The following PDE11A variants were observed in gnomAD, a reference collection of about 807,000 sequenced individuals.
The protein encoded by PDE11A is dual 3',5'-cyclic-AMP and -GMP phosphodiesterase 11A.
In PDE11A, 100 loss-of-function variants were observed where a neutral mutation model predicts 100.5. The observed-to-expected ratio is 1.00, with a 90% confidence interval of 0.85 to 1.18. The LOEUF (loss-of-function observed/expected upper bound fraction) is 1.18, where lower values mean the gene tolerates loss of function less well. Ranked by LOEUF, PDE11A falls within the 50% of genes most tolerant of loss-of-function variation. The pLI, the probability that PDE11A is intolerant of heterozygous loss-of-function variation, is 0.00. For synonymous variants in PDE11A, 381 were observed against 420.8 expected, an observed-to-expected ratio of 0.91 and a Z score of 1.16; for missense variants, 1,141 against 1,152.6, an observed-to-expected ratio of 0.99 and a Z score of 0.15.
chr2:177,946,035 C>G (rs2085419741), intron 2 of PDE11A, among the ~76,000 whole-genome samples: 1 of 146,628 alleles, frequency 6.8e-6, no homozygotes, highest in Non-Finnish European at 1.5e-5. Flanking sequence ...GCCAGCCGCC[C>G]CGTCCGGGAG....
At chr2:177,658,597 A>G (rs995936395) in intron 19 of PDE11A, among the ~76,000 whole-genome samples, 4 of 151,358 alleles carry the variant, frequency 2.6e-5, no homozygotes, top group African/African-American at 9.7e-5. Context: ...GCCATTCCAT[A>G]TATATACCCC....
intron 2 of PDE11A, among the ~76,000 whole-genome samples, chr2:178,008,948 G>A (rs983039194): frequency 6.6e-6 from 1 of 152,152 alleles, no homozygotes; most frequent in Non-Finnish European, 1.5e-5. Context: ...AGCCAAAGAA[G>A]AACTTCAAAC....
At chr2:177,707,681 T>A (rs1559153127) in intron 13 of PDE11A, among the ~76,000 whole-genome samples, 1 of 152,172 alleles carries the variant, frequency 6.6e-6, no homozygotes, top group Non-Finnish European at 1.5e-5. Context: ...CAGCTAACTG[T>A]CTTAATATCA....
chr2:177,628,284 T>C lies in PDE11A; in HGVS notation c.*1123A>G, dbSNP rs2079865722. 1 of 152,686 alleles carries C rather than the reference T, an allele frequency of 6.5e-6. No homozygotes were observed. The highest frequency in any genetic ancestry group is 2.4e-5 in the African/African-American group (1 of 41,462). The allele number at this position is 152,686 out of a possible 1,614,324, so 9.5% of individuals were successfully genotyped here. A position where few individuals can be genotyped will look rare whatever the true frequency, so the allele number is the denominator to read the frequency against. On this transcript the variant is annotated 3_prime_UTR_variant, in exon 20 of 20. Transcript: ENST00000286063. ...ATCTTCTAGCCCAATGTTCTTTGGA[T>C]AACACATACCATGTCCACAATTTCT...
chr2:178,030,082 C>CA (rs1390057285), intron 1 of PDE11A, among the ~76,000 whole-genome samples: 3 of 151,308 alleles, frequency 2.0e-5, no homozygotes, highest in African/African-American at 7.3e-5. Flanking sequence ...TATAGCAGCA[C>CA]AAAACTGACT....
intron 2 of PDE11A, among the ~76,000 whole-genome samples, chr2:178,094,083 C>T (rs1481371179): frequency 2.0e-5 from 3 of 152,014 alleles, no homozygotes; most frequent in African/African-American, 4.8e-5. Flanking sequence ...AATAACTAGT[C>T]CAAAAAGATT....
At chr2:178,030,851 G>A (rs557048557) in intron 1 of PDE11A, among the ~76,000 whole-genome samples, 1 of 152,264 alleles carries the variant, frequency 6.6e-6, no homozygotes, top group African/African-American at 2.4e-5. Flanking sequence ...CTGCACACCA[G>A]CCTGGGTGAC....
At chr2:177,863,618 A>G (rs1226976969) in intron 5 of PDE11A, among the ~76,000 whole-genome samples, 1 of 152,116 alleles carries the variant, frequency 6.6e-6, no homozygotes, top group Admixed American at 6.6e-5. Flanking sequence ...CATCAGGGAA[A>G]TGCAAATTAA....
intron 1 of PDE11A, among the ~76,000 whole-genome samples, chr2:178,031,551 T>C (rs1385103509): frequency 1.3e-5 from 2 of 152,116 alleles, no homozygotes; most frequent in Non-Finnish European, 2.9e-5. Context: ...TTAAATATAC[T>C]GTTTAAAATA....
chr2:177,787,590 T>G (rs1210432220), intron 9 of PDE11A, among the ~76,000 whole-genome samples: 2 of 151,232 alleles, frequency 1.3e-5, no homozygotes, highest in Non-Finnish European at 2.9e-5. Flanking sequence ...AGACGCAGAC[T>G]GGCAAATTGG....
chr2:178,017,663 GA>G (rs2086355603), intron 1 of PDE11A, among the ~76,000 whole-genome samples: 1 of 152,202 alleles, frequency 6.6e-6, no homozygotes, highest in East Asian at 1.9e-4. Context: ...TACTTCTTTA[GA>G]AAAACAATTC....
intron 19 of PDE11A, among the ~76,000 whole-genome samples, chr2:177,631,480 C>CAA (rs539411793): frequency 2.4e-4 from 2 of 8,180 alleles, no homozygotes; most frequent in African/African-American, 5.9e-4. Flanking sequence ...GACTCTATCT[C>CAA]AAAAAAAAAA....
intron 2 of PDE11A, among the ~76,000 whole-genome samples, chr2:177,994,378 G>C (rs2086043794): frequency 6.6e-6 from 1 of 152,184 alleles, no homozygotes; most frequent in African/African-American, 2.4e-5. Context: ...CCACATGTCT[G>C]TGTGTTGGAT....
In PDE11A at chr2:177,626,128, C is replaced by G. The variant is rs1316167631; in HGVS notation, c.*3279G>C. The G allele has an allele frequency of 6.6e-6, 1 of 152,524 alleles. No individual in the cohort carries two copies. Among genetic ancestry groups the G allele is most frequent in the Non-Finnish European group, 1.5e-5 (1 of 68,052 alleles). 9.4% of individuals were successfully genotyped at this position (152,524 alleles called of 1,614,324 possible). On this transcript the variant is annotated 3_prime_UTR_variant, in exon 20 of 20. Transcript: ENST00000286063. ...CAACCATGCAGTGAAGCCAATAAAA[C>G]GGCAAGAAAATGAGAGGAAAACTCA... is the stretch of plus-strand genomic sequence containing the variant.
intron 2 of PDE11A, among the ~76,000 whole-genome samples, chr2:177,932,034 C>G (rs926858007): frequency 3.7e-4 from 56 of 152,028 alleles, no homozygotes; most frequent in African/African-American, 1.2e-3. Flanking sequence ...GATTACGACA[C>G]CTCTATGCAC....
intron 5 of PDE11A, among the ~76,000 whole-genome samples, chr2:177,845,143 ACGGGGCGGCTGGCCGGG>A (rs1373061556): frequency 6.6e-6 from 1 of 150,652 alleles, no homozygotes; most frequent in Non-Finnish European, 1.5e-5. Context: ...CACCTCCCGG[ACGGGGCGGCTGGCCGGG>A]CGGGGGGCTG....
Position 177,627,965 on chromosome 2 carries a change from T to C in PDE11A, c.*1442A>G, listed in dbSNP as rs1423093559. 6.6e-6 allele frequency: 1 copy of C among 152,242 alleles called. No homozygotes were observed. Among genetic ancestry groups the C allele is most frequent in the Non-Finnish European group, 1.5e-5 (1 of 68,048 alleles). 9.4% of individuals were successfully genotyped at this position (152,242 alleles called of 1,614,324 possible). A position where few individuals can be genotyped will look rare whatever the true frequency, so the allele number is the denominator to read the frequency against. ...TAATCTAGGCCAGGGATTTTCAAAC[T>C]CTTCAGAGTCCCTGTGGACCCCCAT... On this transcript the variant is annotated 3_prime_UTR_variant, in exon 20 of 20. Transcript: ENST00000286063.
At chr2:177,885,201 AGTGTGT>A (rs5836630) in intron 4 of PDE11A, among the ~76,000 whole-genome samples, 3 of 149,304 alleles carry the variant, frequency 2.0e-5, no homozygotes, top group African/African-American at 4.9e-5. Context: ...TAATGATGTG[AGTGTGT>A]GTGTGTGTGT....
intron 9 of PDE11A, among the ~76,000 whole-genome samples, chr2:177,812,515 A>C (rs1055321932): frequency 5.3e-5 from 8 of 152,194 alleles, no homozygotes; most frequent in African/African-American, 1.9e-4. Flanking sequence ...GTAACATGTA[A>C]AGAAATATAC....
Sources: gnomAD v4.1 joint callset for allele counts (sites outside exome capture counted in the v4.1 genomes callset) on GRCh38, gnomAD v4.1.1 for gene constraint, MANE v1.5 for transcripts, NCBI Gene and HGNC (gene_info 2026-07-23, HGNC 2026-07-21) for gene names.